The following C1orf21 variants were observed in gnomAD, a reference collection of about 807,000 sequenced individuals.
C1orf21 encodes chromosome 1 open reading frame 21.
C1orf21 carries 3 observed loss-of-function variants against 18.7 expected under a neutral mutation model. The observed-to-expected ratio is 0.16, with a 90% CI of 0.07 to 0.42. The LOEUF is 0.42. Among genes scored for constraint, C1orf21 ranks in the 10% least tolerant of loss-of-function variants. C1orf21 has a pLI of 0.99. For missense variants in C1orf21, 104 were observed against 143.6 expected (o/e 0.72, Z 1.41); for synonymous variants, 41 against 46.4 (o/e 0.88, Z 0.47).
At chr1:184,489,847 G>C (rs959875372) in intron 2 of C1orf21, among the ~76,000 whole-genome samples, 1 of 152,152 alleles carries the variant, frequency 6.6e-6, no homozygotes, top group Non-Finnish European at 1.5e-5. Context: ...AAACTTTTAC[G>C]ATGGCAGTCT....
intron 2 of C1orf21, among the ~76,000 whole-genome samples, chr1:184,492,118 T>C (rs147057281): frequency 6.6e-6 from 1 of 152,348 alleles, no homozygotes; most frequent in East Asian, 1.9e-4. Flanking sequence ...CTATGTGCTG[T>C]GTAAGGTTTT....
At chr1:184,570,247 C>T (rs972472827) in intron 3 of C1orf21, among the ~76,000 whole-genome samples, 1 of 152,036 alleles carries the variant, frequency 6.6e-6, no homozygotes, top group African/African-American at 2.4e-5. Context: ...TAAGTAGCAG[C>T]AAGTTTGCGC....
chr1:184,389,534 G>A (rs930066669), intron 1 of C1orf21, among the ~76,000 whole-genome samples: 8 of 152,160 alleles, frequency 5.3e-5, no homozygotes, highest in African/African-American at 1.9e-4. Context: ...GTCTGAAGGG[G>A]TTTGATTCTT....
intron 3 of C1orf21, among the ~76,000 whole-genome samples, chr1:184,565,587 T>C (rs902785361): frequency 9.2e-5 from 14 of 152,374 alleles, no homozygotes; most frequent in African/African-American, 1.4e-4. Context: ...CTTTATTACC[T>C]TCAACTGGAA....
At chr1:184,474,025 A>T (rs766562928) in intron 1 of C1orf21, among the ~76,000 whole-genome samples, 8 of 152,230 alleles carry the variant, frequency 5.3e-5, no homozygotes, top group Non-Finnish European at 1.2e-4. Flanking sequence ...AATCCAAATG[A>T]CATAGTAAAA....
chr1:184,507,174 T>C (rs1461950186), intron 2 of C1orf21, among the ~76,000 whole-genome samples: 3 of 152,192 alleles, frequency 2.0e-5, no homozygotes, highest in Non-Finnish European at 4.4e-5. Flanking sequence ...CACTGAAAAT[T>C]GTTGGCACAG....
Position 184,528,434 on chromosome 1 carries a change from CTTCTT to C in C1orf21, c.189+20770_189+20774del, listed in dbSNP as rs372421956. 3.8e-3 allele frequency among the ~76,000 whole-genome samples: 574 copies of C among 151,840 alleles called. 6 individuals are homozygous for C. The highest frequency in any genetic ancestry group is 0.013 in the African/African-American group (538 of 41,390). ...TTTTTCTTAGCATTATATCATTTTC[CTTCTT>C]TTCTTTTCTTTTCTTTTTCTTGAAA... On this transcript the variant is annotated intron_variant, in intron 3 of 5. Transcript: ENST00000235307.
In C1orf21 at chr1:184,446,031, A is replaced by C. The variant is rs564148163; in HGVS notation, c.-124-31355A>C. Among the ~76,000 whole-genome samples the C allele has an allele frequency of 5.9e-4, 90 of 152,320 alleles. 1 individual carries two copies. Among genetic ancestry groups the C allele is most frequent in the African/African-American group, 2.1e-3 (87 of 41,580 alleles). On this transcript the variant is annotated intron_variant, in intron 1 of 5. Transcript: ENST00000235307. ...AATTTTCTCGGGAGATTAACTCTTT[A>C]AACACAGAAAATTTTAATTTTGACA... is the stretch of plus-strand genomic sequence containing the variant.
rs115605783 is a variant in C1orf21, at chr1:184,554,573, G to A, written c.190-36166G>A. Reference sequence around the variant, plus strand: ...TGTATAGCCAAACAATAAAATTGACGTAGTTTAGTGCCTTTAAAAAAATAA... The same window carrying A: ...TGTATAGCCAAACAATAAAATTGACATAGTTTAGTGCCTTTAAAAAAATAA... On this transcript the variant is annotated intron_variant, in intron 3 of 5. Coordinates refer to ENST00000235307, the MANE Select transcript of C1orf21 (RefSeq NM_030806.4). 2.6e-3 allele frequency among the ~76,000 whole-genome samples: 392 copies of A among 152,252 alleles called. 3 individuals are homozygous for A. The highest frequency in any genetic ancestry group is 8.8e-3 in the African/African-American group (366 of 41,550).
rs1025479176 is a variant in C1orf21 at position 184,626,491 on chromosome 1, G to T, written c.*6935G>T. The T allele has an allele frequency of 5.2e-5, 8 of 153,014 alleles. No individual in the cohort carries two copies. The highest frequency in any genetic ancestry group is 3.9e-4 in the Admixed American group (6 of 15,286). 9.5% of individuals were successfully genotyped at this position (153,014 alleles called of 1,614,324 possible). A position where few individuals can be genotyped will look rare whatever the true frequency, so the allele number is the denominator to read the frequency against. On this transcript the variant is annotated 3_prime_UTR_variant, in exon 6 of 6. Transcript: ENST00000235307. ...AGAGGGAGAGAGAAGAGCAAGGGAC[G>T]TGGACGGGGCAGTGAGCCAGGCTAG... is the stretch of plus-strand genomic sequence containing the variant.
At chr1:184,490,030 A>C (rs1657794530) in intron 2 of C1orf21, among the ~76,000 whole-genome samples, 1 of 152,214 alleles carries the variant, frequency 6.6e-6, no homozygotes, top group South Asian at 2.1e-4. Context: ...GCAATGGTGA[A>C]ATCTATCCCA....
chr1:184,553,153 C>T (rs989582667), intron 3 of C1orf21, among the ~76,000 whole-genome samples: 1 of 151,802 alleles, frequency 6.6e-6, no homozygotes, highest in Non-Finnish European at 1.5e-5. Context: ...GTCACAGACA[C>T]GAGGATGAGG....
chr1:184,556,472 C>T (rs1231551795), intron 3 of C1orf21, among the ~76,000 whole-genome samples: 1 of 152,068 alleles, frequency 6.6e-6, no homozygotes, highest in Non-Finnish European at 1.5e-5. Flanking sequence ...CCAGGCCAAG[C>T]CAAAGAATGG....
intron 5 of C1orf21, among the ~76,000 whole-genome samples, chr1:184,607,854 G>A (rs1204181372): frequency 6.6e-6 from 1 of 151,936 alleles, no homozygotes; most frequent in Non-Finnish European, 1.5e-5. Flanking sequence ...ATGATACCAT[G>A]TACATTAAAA....
At chr1:184,512,779 G>A (rs1571393328) in intron 3 of C1orf21, among the ~76,000 whole-genome samples, 1 of 152,162 alleles carries the variant, frequency 6.6e-6, no homozygotes, top group East Asian at 1.9e-4. Context: ...TATTGACACA[G>A]GGGTCCCCAA....
intron 3 of C1orf21, among the ~76,000 whole-genome samples, chr1:184,579,931 C>T (rs1659253717): frequency 6.6e-6 from 1 of 152,166 alleles, no homozygotes; most frequent in Non-Finnish European, 1.5e-5. Flanking sequence ...CCCATAAAAA[C>T]TCTTGCAAAA....
At chr1:184,493,729 A>G (rs1453966700) in intron 2 of C1orf21, among the ~76,000 whole-genome samples, 1 of 152,178 alleles carries the variant, frequency 6.6e-6, no homozygotes, top group African/African-American at 2.4e-5. Flanking sequence ...TTAACCTTTT[A>G]GTCTTCATTG....
chr1:184,613,170 G>A (rs562874834), intron 5 of C1orf21, among the ~76,000 whole-genome samples: 10 of 152,230 alleles, frequency 6.6e-5, no homozygotes, highest in Admixed American at 3.3e-4. Context: ...GGCTGGTCTC[G>A]AACTCTTGAC....
At chr1:184,408,485 C>T (rs1656283343) in intron 1 of C1orf21, 1 of 152,350 alleles carries the variant, frequency 6.6e-6, no homozygotes, top group South Asian at 2.1e-4. Context: ...ATTCTGCCCC[C>T]AAAGAGACTT....
Sources: allele counts gnomAD v4.1 joint callset (sites outside exome capture counted in the v4.1 genomes callset), GRCh38; gene constraint gnomAD v4.1.1; transcripts MANE v1.5; gene names NCBI Gene and HGNC (gene_info 2026-07-23, HGNC 2026-07-21).